NIPAL2: variants seen among roughly 807,000 people sequenced by gnomAD.
The protein encoded by NIPAL2 is NIPA-like protein 2.
NIPAL2 carries 43 observed loss-of-function variants against 48.9 expected under a neutral mutation model. The ratio of observed to expected loss-of-function variants is 0.88; its 90% CI spans 0.69 to 1.13. The LOEUF (loss-of-function observed/expected upper bound fraction) is 1.13, where lower values mean the gene tolerates loss of function less well. Ranked by LOEUF, NIPAL2 falls within the 50% of genes most tolerant of loss-of-function variation. The probability of loss-of-function intolerance (pLI) is 0.00; values close to 1 mark genes in which losing one functional copy is unlikely to be tolerated. For synonymous variants in NIPAL2, 167 were observed against 174.6 expected, an observed-to-expected ratio of 0.96 and a Z score of 0.34; for missense variants, 446 against 461.4, an observed-to-expected ratio of 0.97 and a Z score of 0.31.
At chr8:98,243,486 G>A (rs7007982) in intron 3 of NIPAL2, among the ~76,000 whole-genome samples, 6,608 of 152,222 alleles carry the variant, frequency 0.043, 293 homozygotes, top group African/African-American at 0.11. Context: ...GATTTACTTA[G>A]GAATCAACCC....
At chr8:98,195,807 T>C (rs1271811070) in intron 9 of NIPAL2, 135 bp downstream of exon 9, 8 of 602,490 alleles carry the variant, frequency 1.3e-5, no homozygotes, top group African/African-American at 3.9e-5. Context: ...TTAAAAAATA[T>C]GTTTCTTTTA....
At chr8:98,274,056 T>C (rs1469998934) in intron 1 of NIPAL2, among the ~76,000 whole-genome samples, 1 of 152,114 alleles carries the variant, frequency 6.6e-6, no homozygotes, top group African/African-American at 2.4e-5. Context: ...TATTAAATTA[T>C]TTCTAATTTA....
chr8:98,263,046 T>A (rs913397602), intron 1 of NIPAL2, among the ~76,000 whole-genome samples: 1 of 149,798 alleles, frequency 6.7e-6, no homozygotes, highest in African/African-American at 2.5e-5. Flanking sequence ...CATAACGAAA[T>A]GCAGGCAGAA....
intron 1 of NIPAL2, among the ~76,000 whole-genome samples, chr8:98,281,577 T>C (rs1331093712): frequency 6.6e-6 from 1 of 152,214 alleles, no homozygotes; most frequent in Non-Finnish European, 1.5e-5. Context: ...ATTGCATGCC[T>C]GTATCAAGAT....
At chr8:98,213,456 G>A (rs1811422289) in intron 5 of NIPAL2, among the ~76,000 whole-genome samples, 1 of 152,132 alleles carries the variant, frequency 6.6e-6, no homozygotes, top group South Asian at 2.1e-4. Context: ...TTCCTTTGCT[G>A]AAACCTCCTG....
intron 1 of NIPAL2, among the ~76,000 whole-genome samples, chr8:98,277,486 G>C (rs1815539412): frequency 6.6e-6 from 1 of 152,066 alleles, no homozygotes; most frequent in Non-Finnish European, 1.5e-5. Flanking sequence ...GCAGTGAGCT[G>C]GGGTCGCACC....
chr8:98,247,168 T>A (rs1197886736), intron 3 of NIPAL2, among the ~76,000 whole-genome samples: 1 of 152,242 alleles, frequency 6.6e-6, no homozygotes, highest in Non-Finnish European at 1.5e-5. Flanking sequence ...TTAACCACCG[T>A]GCTTCATTAG....
intron 1 of NIPAL2, among the ~76,000 whole-genome samples, chr8:98,280,757 T>TAGAGAG (rs1225269994): frequency 0.013 from 371 of 29,256 alleles, 3 homozygotes; most frequent in Non-Finnish European, 0.02. Context: ...TATATATATA[T>TAGAGAG]ATATAGAGAG....
At chr8:98,207,718 G>T (rs540737823) in intron 6 of NIPAL2, among the ~76,000 whole-genome samples, 4 of 152,204 alleles carry the variant, frequency 2.6e-5, no homozygotes, top group African/African-American at 9.6e-5. Flanking sequence ...TTGACATTTG[G>T]ACATGTTGTT....
At chr8:98,193,506 G>T in intron 10 of NIPAL2, 1 of 1,257,912 alleles carries the variant, frequency 7.9e-7, no homozygotes, top group Non-Finnish European at 1.2e-6. Flanking sequence ...ACTGAGCTTT[G>T]TGAAATAAAA....
chr8:98,227,761 T>C (rs1018846471), intron 4 of NIPAL2, among the ~76,000 whole-genome samples: 4 of 152,230 alleles, frequency 2.6e-5, no homozygotes, highest in Non-Finnish European at 4.4e-5. Context: ...GCCCAGCTGG[T>C]GTCTCACTGG....
rs78712229 is a variant in NIPAL2 at position 98,290,103 on chromosome 8, T to A, written c.135+3900A>T. 4.5e-3 allele frequency among the ~76,000 whole-genome samples: 680 copies of A among 152,326 alleles called. 13 individuals carry two copies. In the East Asian group the frequency reaches 0.059, roughly 13 times the overall value. On this transcript the variant is annotated intron_variant, in intron 1 of 10. Coordinates refer to ENST00000430223, the MANE Select transcript of NIPAL2 (RefSeq NM_001321635.2). Reference sequence around the variant, plus strand: ...CTTGCTGTAAGATCTTGGGGCAAGATATTTAACACAAGTGTCCTTACATGA... The same window carrying A: ...CTTGCTGTAAGATCTTGGGGCAAGAAATTTAACACAAGTGTCCTTACATGA...
chr8:98,215,575 A>G (rs1379793572), intron 5 of NIPAL2, among the ~76,000 whole-genome samples: 3 of 152,212 alleles, frequency 2.0e-5, no homozygotes, highest in East Asian at 1.9e-4. Flanking sequence ...TTTAGGAGGT[A>G]GGTGCTATCA....
At chr8:98,193,271 T>C in intron 10 of NIPAL2, 181 bp from the exon 11 acceptor site, 8 of 1,219,404 alleles carry the variant, frequency 6.6e-6, no homozygotes, top group Admixed American at 1.7e-5. Flanking sequence ...TCTGTAGCTA[T>C]GTGATAGCGA....
chr8:98,212,327 T>G (rs1811357229), intron 6 of NIPAL2, 78 bp downstream of exon 6: 1 of 753,634 alleles, frequency 1.3e-6, no homozygotes, highest in Admixed American at 2.1e-5. Flanking sequence ...AGTAGAATGC[T>G]TAAGTATTTT....
At chr8:98,268,173 G>A (rs1814890034) in intron 1 of NIPAL2, among the ~76,000 whole-genome samples, 1 of 152,160 alleles carries the variant, frequency 6.6e-6, no homozygotes. Flanking sequence ...CACCTTAGTT[G>A]AGTCTTTCCT....
In NIPAL2 at chr8:98,191,098, T is replaced by C. The variant is rs1385100807; in HGVS notation, c.*1880A>G. ...TCAAAACGTTTAATAGATGCAACTG[T>C]TGGCGGCTGCTAAAGTACTGGTGTT... On this transcript the variant is annotated 3_prime_UTR_variant, in exon 11 of 11. Coordinates refer to ENST00000430223, the MANE Select transcript of NIPAL2 (RefSeq NM_001321635.2). The C allele has an allele frequency of 6.6e-6, 1 of 152,248 alleles. No individual in the cohort carries two copies. Among genetic ancestry groups the C allele is most frequent in the Non-Finnish European group, 1.5e-5 (1 of 68,048 alleles). The allele number at this position is 152,248 out of a possible 1,614,324, so 9.4% of individuals were successfully genotyped here. A position where few individuals can be genotyped will look rare whatever the true frequency, so the allele number is the denominator to read the frequency against.
At chr8:98,263,993 T>C (rs951429089) in intron 1 of NIPAL2, among the ~76,000 whole-genome samples, 1 of 144,638 alleles carries the variant, frequency 6.9e-6, no homozygotes, top group Non-Finnish European at 1.5e-5. Flanking sequence ...AATCAATAAA[T>C]GTAATCCAGC....
intron 8 of NIPAL2, among the ~76,000 whole-genome samples, chr8:98,201,155 T>A (rs1243802172): frequency 6.6e-6 from 1 of 152,132 alleles, no homozygotes; most frequent in Non-Finnish European, 1.5e-5. Flanking sequence ...CTTGACTAAT[T>A]AGTAGGCAAA....
Sources: gnomAD v4.1 joint callset for allele counts (sites outside exome capture counted in the v4.1 genomes callset) on GRCh38, gnomAD v4.1.1 for gene constraint, MANE v1.5 for transcripts, NCBI Gene and HGNC (gene_info 2026-07-23, HGNC 2026-07-21) for gene names.